The following FBXW8 variants were observed in gnomAD, a reference collection of about 807,000 sequenced individuals.
FBXW8 encodes F-box and WD repeat domain containing 8, also known as F-box/WD repeat-containing protein 8.
FBXW8 carries 57 observed loss-of-function variants against 65.3 expected under a neutral mutation model. That is an observed-to-expected ratio of 0.87 (90% CI 0.71 to 1.09). The LOEUF (loss-of-function observed/expected upper bound fraction) is 1.09. FBXW8 is among the 50% of genes least tolerant of loss of function. The pLI, the probability that FBXW8 is intolerant of heterozygous loss-of-function variation, is 0.00. For synonymous variants in FBXW8, 308 were observed against 330.2 expected (o/e 0.93, Z 0.73); for missense variants, 777 against 814.8 (o/e 0.95, Z 0.57).
At position 116,994,104 on chromosome 12, in the gene FBXW8, A is replaced by G. The variant is rs1274474900; in HGVS notation, c.1239+5235A>G. On this transcript the variant is annotated intron_variant, in intron 7 of 10. Coordinates refer to ENST00000652555, the MANE Select transcript of FBXW8 (RefSeq NM_153348.3). Reference sequence around the variant, plus strand: ...AACTCTAGAGGCATCCCATTACCTGACTTCAAATTATACTACAAGGCTATA... The same window carrying G: ...AACTCTAGAGGCATCCCATTACCTGGCTTCAAATTATACTACAAGGCTATA... 3.9e-5 allele frequency among the ~76,000 whole-genome samples: 6 copies of G among 152,348 alleles called. No homozygotes were observed. In the East Asian group the frequency reaches 1.2e-3, roughly 29 times the overall value.
intron 9 of FBXW8, among the ~76,000 whole-genome samples, chr12:117,026,813 C>T (rs1032408855): frequency 6.6e-6 from 1 of 152,216 alleles, no homozygotes; most frequent in African/African-American, 2.4e-5. Context: ...AGCTCAGTGC[C>T]GTGACCACAG....
Position 117,014,587 on chromosome 12 carries a change from T to C in FBXW8, c.1367+4137T>C, listed in dbSNP as rs142026565. On this transcript the variant is annotated intron_variant, in intron 8 of 10. Coordinates refer to ENST00000652555, the MANE Select transcript of FBXW8 (RefSeq NM_153348.3). ...ATGTAATCCTCCAACGAATGATTTT[T>C]GTTTTGTTTTGCTTTTGAACAGGCA... Among the ~76,000 whole-genome samples the C allele has an allele frequency of 3.6e-4, 55 of 152,366 alleles. No homozygotes were observed. In the East Asian group the frequency reaches 0.01, roughly 28 times the overall value.
rs1953772108 is a variant in FBXW8 at position 117,010,306 on chromosome 12, T to G, written c.1240-17T>G. 1 of 1,614,056 alleles carries G rather than the reference T, an allele frequency of 6.2e-7. No homozygotes were observed. Among genetic ancestry groups the G allele is most frequent in the Non-Finnish European group, 8.5e-7 (1 of 1,180,010 alleles). On this transcript the variant is annotated splice_polypyrimidine_tract_variant and intron_variant, in intron 7 of 10. Coordinates refer to ENST00000652555, the MANE Select transcript of FBXW8 (RefSeq NM_153348.3). ...TGTGTGGAATTGTGGGCCCACACAT[T>G]TCTCTTCCTCTCTCAGATCCTGGTG...
intron 3 of FBXW8, 187 bp from the exon 4 acceptor site, chr12:116,949,431 C>T (rs1592875342): frequency 1.6e-5 from 10 of 607,932 alleles, no homozygotes; most frequent in Admixed American, 1.5e-4. Context: ...TATGGTAACT[C>T]GCCCATGCTT....
At chr12:116,916,889 C>CGTGTGT (rs71443002) in intron 1 of FBXW8, among the ~76,000 whole-genome samples, 12 of 146,272 alleles carry the variant, frequency 8.2e-5, no homozygotes, top group Non-Finnish European at 1.5e-4. Context: ...GCTAATTGTG[C>CGTGTGT]GTGTGTGTGT....
chr12:116,992,140 C>T (rs573631663), intron 7 of FBXW8, among the ~76,000 whole-genome samples: 41 of 152,178 alleles, frequency 2.7e-4, no homozygotes, highest in African/African-American at 8.7e-4. Context: ...GAAACAAAGC[C>T]GAGTAATTTA....
chr12:116,945,529 G>T lies in FBXW8; in HGVS notation c.588+1G>T, dbSNP rs759802980. The T allele has an allele frequency of 1.2e-6, 2 of 1,613,284 alleles. No individual in the cohort carries two copies. The highest frequency in any genetic ancestry group is 1.7e-6 in the Non-Finnish European group (2 of 1,179,592). On this transcript the variant is annotated splice_donor_variant, in intron 3 of 10. Coordinates refer to ENST00000652555, the MANE Select transcript of FBXW8 (RefSeq NM_153348.3). LOFTEE classifies it high-confidence loss of function. The stretch of plus-strand genomic sequence containing the variant: ...ACACATGTTACGAACCAACTGGAAG[G>T]TGGGCAGTGGCCAATATCATTACCT...
chr12:116,939,335 T>C (rs1360823266), intron 2 of FBXW8, among the ~76,000 whole-genome samples: 1 of 152,204 alleles, frequency 6.6e-6, no homozygotes, highest in African/African-American at 2.4e-5. Context: ...TTTAAGCATT[T>C]TGGATAAGGG....
rs142085415 is a variant in FBXW8, at chr12:116,989,898, G to A, written c.1239+1029G>A. Among the ~76,000 whole-genome samples the A allele has an allele frequency of 6.5e-4, 99 of 152,292 alleles. 2 individuals are homozygous for A. The East Asian group carries it at 0.017, about 26-fold the overall frequency. The stretch of plus-strand genomic sequence containing the variant: ...ATAGTGCCTGCTTCTTAGAGTTGTA[G>A]GATTAAATGAAAAGCCATATGTAAA... On this transcript the variant is annotated intron_variant, in intron 7 of 10. Coordinates refer to ENST00000652555, the MANE Select transcript of FBXW8 (RefSeq NM_153348.3).
intron 1 of FBXW8, among the ~76,000 whole-genome samples, chr12:116,922,820 T>C (rs548848184): frequency 6.6e-6 from 1 of 152,106 alleles, no homozygotes; most frequent in South Asian, 2.1e-4. Flanking sequence ...GTGTTTTTTT[T>C]CCCTTGACTA....
In FBXW8 at chr12:116,972,895, ACTAT is replaced by A. The variant is rs151190024; in HGVS notation, c.835+8045_835+8048del. Among the ~76,000 whole-genome samples the A allele has an allele frequency of 8.7e-4, 132 of 152,344 alleles. 1 individual carries two copies. In the East Asian group the frequency reaches 0.017, roughly 19 times the overall value. On this transcript the variant is annotated intron_variant, in intron 5 of 10. Coordinates refer to ENST00000652555, the MANE Select transcript of FBXW8 (RefSeq NM_153348.3). ...CAACAGCCCAGCTGTTGAAAGTATCACTATCTACTAAAAGGAACCAGGGATGCTT... is the reference window on the plus strand; with the variant it reads ...CAACAGCCCAGCTGTTGAAAGTATCACTACTAAAAGGAACCAGGGATGCTT...
At chr12:116,963,406 A>G (rs1884109755) in intron 4 of FBXW8, among the ~76,000 whole-genome samples, 1 of 152,118 alleles carries the variant, frequency 6.6e-6, no homozygotes, top group Non-Finnish European at 1.5e-5. Context: ...CAGGAGTTCA[A>G]GACCAGCTGG....
At chr12:117,004,767 G>GTCTCCTGTTTCCCCAGC (rs59540747) in intron 7 of FBXW8, among the ~76,000 whole-genome samples, 2 of 151,472 alleles carry the variant, frequency 1.3e-5, no homozygotes, top group Admixed American at 6.6e-5. Flanking sequence ...CAGATGCTTG[G>GTCTCCTGTTTCCCCAGC]TCTCCTGTTT....
Position 116,948,233 on chromosome 12 carries a change from A to G in FBXW8, c.589-1385A>G, listed in dbSNP as rs77766194. Among the ~76,000 whole-genome samples, 1,320 of 152,190 alleles carry G rather than the reference A, an allele frequency of 8.7e-3. 24 individuals are homozygous for G. Among genetic ancestry groups the G allele is most frequent in the African/African-American group, 0.03 (1,249 of 41,520 alleles). ...AGTGTTTGCATAAATGCAGGTTTTC[A>G]TCTTAGGCCCTCTATTTTTCTTTCA... On this transcript the variant is annotated intron_variant, in intron 3 of 10. Coordinates refer to ENST00000652555, the MANE Select transcript of FBXW8 (RefSeq NM_153348.3).
intron 4 of FBXW8, 23 bp from the exon 5 acceptor site, chr12:116,964,674 C>T (rs1884201314): frequency 6.2e-7 from 1 of 1,613,008 alleles, no homozygotes; most frequent in East Asian, 2.2e-5. Flanking sequence ...CCTTTTGGAA[C>T]CAAGTGTGTC....
At chr12:117,027,638 A>G in intron 10 of FBXW8, 134 bp downstream of exon 10, 1 of 737,646 alleles carries the variant, frequency 1.4e-6, no homozygotes, top group Non-Finnish European at 2.3e-6. Context: ...TGCGAATTGG[A>G]AACATAAACG....
At chr12:116,951,035 T>C (rs1167312251) in intron 4 of FBXW8, 1 of 152,188 alleles carries the variant, frequency 6.6e-6, no homozygotes, top group Non-Finnish European at 1.5e-5. Context: ...CAATTATGAA[T>C]TTCTTCTCTG....
In FBXW8 at chr12:116,964,705, CAG is replaced by C; in HGVS notation, c.687_688del (p.Asp231CysfsTer24). ...GTGTCGTTCTCTTCCAGATATACAT[CAG>C]GGGATGTGAGAGTGTGGGACACCCG... On this transcript the variant is annotated frameshift_variant, in exon 5 of 11. Coordinates refer to ENST00000652555, the MANE Select transcript of FBXW8 (RefSeq NM_153348.3). LOFTEE classifies it high-confidence loss of function. 2 of 1,613,738 alleles carry C rather than the reference CAG, an allele frequency of 1.2e-6. No individual in the cohort carries two copies. Among genetic ancestry groups the C allele is most frequent in the Non-Finnish European group, 1.7e-6 (2 of 1,179,966 alleles).
intron 7 of FBXW8, among the ~76,000 whole-genome samples, chr12:116,996,939 G>A (rs987910655): frequency 1.6e-4 from 25 of 152,198 alleles, no homozygotes; most frequent in Admixed American, 2.0e-4. Context: ...GGCGTGTTGA[G>A]ATGGAAACGA....
Sources: gnomAD v4.1 joint callset for allele counts (sites outside exome capture counted in the v4.1 genomes callset) on GRCh38, gnomAD v4.1.1 for gene constraint, MANE v1.5 for transcripts, NCBI Gene and HGNC (gene_info 2026-07-23, HGNC 2026-07-21) for gene names.